CNTNAP2: variants seen among roughly 807,000 people sequenced by gnomAD.
The protein encoded by CNTNAP2 is contactin associated protein 2.
A neutral mutation model predicts 155.2 loss-of-function variants in CNTNAP2; 98 were observed. That is an observed-to-expected ratio of 0.63 (90% confidence interval 0.54 to 0.75). The LOEUF is 0.75. Among genes scored for constraint, CNTNAP2 ranks in the 30% least tolerant of loss-of-function variants. The pLI, the probability that CNTNAP2 is intolerant of heterozygous loss-of-function variation, is 0.00. For missense variants in CNTNAP2, 1,727 were observed against 1,688.1 expected (o/e 1.02, Z -0.40); for synonymous variants, 651 against 631.2 (o/e 1.03, Z -0.47).
At chr7:148,092,173 C>T (rs938873909) in intron 15 of CNTNAP2, among the ~76,000 whole-genome samples, 4 of 152,162 alleles carry the variant, frequency 2.6e-5, no homozygotes, top group Non-Finnish European at 5.9e-5. Flanking sequence ...GCTTTATTTC[C>T]TTGGGGGAGC....
intron 21 of CNTNAP2, among the ~76,000 whole-genome samples, chr7:148,330,845 G>A (rs1563045044): frequency 6.7e-6 from 1 of 149,580 alleles, no homozygotes; most frequent in South Asian, 2.1e-4. Context: ...CGGATAGAAT[G>A]GATGGATGGA....
At chr7:147,352,678 C>T (rs1200954600) in intron 9 of CNTNAP2, among the ~76,000 whole-genome samples, 1 of 151,928 alleles carries the variant, frequency 6.6e-6, no homozygotes, top group African/African-American at 2.4e-5. Flanking sequence ...AGACCCTTAA[C>T]CATGGTAGAA....
chr7:146,854,646 G>A (rs918935011), intron 3 of CNTNAP2, among the ~76,000 whole-genome samples: 1 of 152,130 alleles, frequency 6.6e-6, no homozygotes, highest in Non-Finnish European at 1.5e-5. Flanking sequence ...AAGTACACGG[G>A]ATCTACTCAC....
At chr7:146,980,943 AC>A (rs1467929048) in intron 3 of CNTNAP2, among the ~76,000 whole-genome samples, 2 of 152,152 alleles carry the variant, frequency 1.3e-5, no homozygotes, top group Non-Finnish European at 2.9e-5. Flanking sequence ...AAGAGAAGTC[AC>A]AACTGCTTTT....
intron 20 of CNTNAP2, among the ~76,000 whole-genome samples, chr7:148,266,437 C>A (rs17170934): frequency 6.6e-6 from 1 of 152,136 alleles, no homozygotes; most frequent in South Asian, 2.1e-4. Flanking sequence ...CAGAAACGTG[C>A]GTCGCTTCCG....
intron 14 of CNTNAP2, among the ~76,000 whole-genome samples, chr7:147,934,945 G>A (rs188108719): frequency 3.9e-5 from 6 of 152,188 alleles, no homozygotes; most frequent in East Asian, 3.9e-4. Flanking sequence ...CTTGTGCTAC[G>A]TTTAAATTTA....
At chr7:147,692,163 T>C (rs1247370654) in intron 13 of CNTNAP2, among the ~76,000 whole-genome samples, 3 of 152,132 alleles carry the variant, frequency 2.0e-5, no homozygotes, top group Non-Finnish European at 2.9e-5. Flanking sequence ...CATTTAAGCT[T>C]CCTTTGTGTC....
At chr7:147,714,065 G>T (rs1156689903) in intron 13 of CNTNAP2, among the ~76,000 whole-genome samples, 1 of 151,984 alleles carries the variant, frequency 6.6e-6, no homozygotes. Context: ...TATGCCAAGC[G>T]CTGTAGTAAG....
chr7:148,111,006 G>C (rs1804337043), intron 15 of CNTNAP2, among the ~76,000 whole-genome samples: 1 of 152,168 alleles, frequency 6.6e-6, no homozygotes, highest in South Asian at 2.1e-4. Context: ...ACCAAAACAA[G>C]TCACAGATAC....
intron 9 of CNTNAP2, among the ~76,000 whole-genome samples, chr7:147,362,563 T>C (rs1796163696): frequency 6.6e-6 from 1 of 152,198 alleles, no homozygotes; most frequent in African/African-American, 2.4e-5. Context: ...GGGATGGATA[T>C]TGAGGCATTT....
intron 1 of CNTNAP2, among the ~76,000 whole-genome samples, chr7:146,679,558 T>C (rs1242425436): frequency 6.6e-6 from 1 of 152,088 alleles, no homozygotes; most frequent in Non-Finnish European, 1.5e-5. Flanking sequence ...GGTTTCACTA[T>C]GTTGGCCAGG....
At chr7:146,929,641 G>A (rs895814125) in intron 3 of CNTNAP2, among the ~76,000 whole-genome samples, 2 of 152,074 alleles carry the variant, frequency 1.3e-5, no homozygotes, top group Admixed American at 6.6e-5. Flanking sequence ...AAACTACTCC[G>A]AGCTACAGGA....
intron 1 of CNTNAP2, among the ~76,000 whole-genome samples, chr7:146,558,049 C>T (rs920065856): frequency 6.6e-6 from 1 of 152,132 alleles, no homozygotes; most frequent in Admixed American, 6.5e-5. Context: ...TGACAAACTC[C>T]GGGCATGACA....
chr7:147,932,470 T>A (rs1050594883), intron 14 of CNTNAP2, among the ~76,000 whole-genome samples: 1 of 152,280 alleles, frequency 6.6e-6, no homozygotes, highest in Middle Eastern at 3.4e-3. Flanking sequence ...GAGGATGATT[T>A]CTTCAATAAA....
intron 14 of CNTNAP2, among the ~76,000 whole-genome samples, chr7:147,942,054 A>G (rs1585040592): frequency 6.6e-6 from 1 of 152,158 alleles, no homozygotes; most frequent in Non-Finnish European, 1.5e-5. Context: ...TTTATGTGGC[A>G]TCAGTTTTTC....
intron 1 of CNTNAP2, among the ~76,000 whole-genome samples, chr7:146,470,594 G>A (rs752075274): frequency 1.3e-5 from 2 of 151,850 alleles, no homozygotes; most frequent in Non-Finnish European, 2.9e-5. Flanking sequence ...TTGTTGAGAC[G>A]GAATCTCGCT....
In CNTNAP2 at chr7:147,233,183, G is replaced by T. The variant is rs1031903671; in HGVS notation, c.1349-66958G>T. 2.8e-4 allele frequency among the ~76,000 whole-genome samples: 42 copies of T among 152,170 alleles called. 1 individual carries two copies. The highest frequency in any genetic ancestry group is 8.4e-4 in the African/African-American group (35 of 41,528). The stretch of plus-strand genomic sequence containing the variant: ...GAAAATGGAGAACAAAATAACTCAG[G>T]ATCCCACCTTAGAGATAAAGCTCTC... On this transcript the variant is annotated intron_variant, in intron 8 of 23. Transcript: ENST00000361727.
At chr7:146,351,023 T>C (rs1328586624) in intron 1 of CNTNAP2, among the ~76,000 whole-genome samples, 2 of 109,230 alleles carry the variant, frequency 1.8e-5, no homozygotes, top group South Asian at 3.6e-4. Context: ...ACTCTGGGGC[T>C]TGTTGTGGGG....
chr7:146,647,315 T>C (rs942888966), intron 1 of CNTNAP2, among the ~76,000 whole-genome samples: 1 of 152,236 alleles, frequency 6.6e-6, no homozygotes, highest in East Asian at 1.9e-4. Flanking sequence ...CTGAGCATGA[T>C]ATCCTTCTGT....
Sources: gnomAD v4.1 joint callset for allele counts (sites outside exome capture counted in the v4.1 genomes callset) on GRCh38, gnomAD v4.1.1 for gene constraint, MANE v1.5 for transcripts, NCBI Gene and HGNC (gene_info 2026-07-23, HGNC 2026-07-21) for gene names.